The following TTLL5 variants were observed in gnomAD, a reference collection of about 807,000 sequenced individuals.
TTLL5 encodes tubulin tyrosine ligase like 5.
In TTLL5, 132 loss-of-function variants were observed where a neutral mutation model predicts 168.4. The observed-to-expected ratio is 0.78, with a 90% CI of 0.68 to 0.91. The LOEUF (loss-of-function observed/expected upper bound fraction) is 0.91. Ranked by LOEUF, TTLL5 falls within the 40% of genes least tolerant of loss-of-function variation. TTLL5 has a pLI of 0.00. For synonymous variants in TTLL5, 546 were observed against 558.6 expected, an observed-to-expected ratio of 0.98 and a Z score of 0.32; for missense variants, 1,545 against 1,581.5, an observed-to-expected ratio of 0.98 and a Z score of 0.39.
chr14:75,675,782 A>G lies in TTLL5; in HGVS notation c.182-5763A>G, dbSNP rs140058933. Among the ~76,000 whole-genome samples, 665 of 152,340 alleles carry G rather than the reference A, an allele frequency of 4.4e-3. 4 individuals are homozygous for G. The highest frequency in any genetic ancestry group is 0.011 in the East Asian group (56 of 5,186). ...TTGTTACGGGAGAGAAAGCCCAGGTACATATTAGTCAGGGTGTTCCAGAGA... is the reference window on the plus strand; with the variant it reads ...TTGTTACGGGAGAGAAAGCCCAGGTGCATATTAGTCAGGGTGTTCCAGAGA... On this transcript the variant is annotated intron_variant, in intron 3 of 31. Transcript: ENST00000298832.
At chr14:75,899,847 G>A (rs1412588460) in intron 30 of TTLL5, among the ~76,000 whole-genome samples, 1 of 151,976 alleles carries the variant, frequency 6.6e-6, no homozygotes, top group Non-Finnish European at 1.5e-5. Flanking sequence ...TTGAGTCTAA[G>A]CCCCCAGGGA....
intron 28 of TTLL5, among the ~76,000 whole-genome samples, chr14:75,858,942 G>A (rs562813030): frequency 2.7e-4 from 41 of 152,128 alleles, no homozygotes; most frequent in Non-Finnish European, 2.1e-4. Context: ...CCTGACCTCC[G>A]CCAATTAAAT....
intron 30 of TTLL5, among the ~76,000 whole-genome samples, chr14:75,896,948 A>G (rs1203464495): frequency 6.6e-6 from 1 of 152,200 alleles, no homozygotes; most frequent in East Asian, 1.9e-4. Context: ...TGGAATTCCT[A>G]GCCAGCCAGT....
At chr14:75,841,906 A>T (rs953975517) in intron 28 of TTLL5, among the ~76,000 whole-genome samples, 1 of 152,152 alleles carries the variant, frequency 6.6e-6, no homozygotes, top group Non-Finnish European at 1.5e-5. Flanking sequence ...ATGTTTTTCT[A>T]TCCTAATATG....
rs559698965 is a variant in TTLL5, at chr14:75,788,699, T to A, written c.2987-4217T>A. Among the ~76,000 whole-genome samples, 10 of 152,268 alleles carry A rather than the reference T, an allele frequency of 6.6e-5. No homozygotes were observed. The East Asian group carries it at 1.2e-3, about 18-fold the overall frequency. ...AAGGTAGATAATTTCAATATATTTT[T>A]AAAAAAACTCTTCTGGAGTGTGGAA... On this transcript the variant is annotated intron_variant, in intron 26 of 31. Transcript: ENST00000298832.
chr14:75,741,733 C>G (rs959424789), intron 15 of TTLL5, among the ~76,000 whole-genome samples: 1 of 152,068 alleles, frequency 6.6e-6, no homozygotes, highest in African/African-American at 2.4e-5. Flanking sequence ...CAACTAGAAG[C>G]ACAGACCTGA....
intron 24 of TTLL5, among the ~76,000 whole-genome samples, chr14:75,780,814 C>A (rs1448687741): frequency 6.6e-6 from 1 of 152,128 alleles, no homozygotes; most frequent in Non-Finnish European, 1.5e-5. Flanking sequence ...TGAATCCAGC[C>A]CTTTTCTTTG....
At chr14:75,672,915 G>A (rs1047749496) in intron 3 of TTLL5, among the ~76,000 whole-genome samples, 9 of 151,902 alleles carry the variant, frequency 5.9e-5, no homozygotes, top group Non-Finnish European at 1.3e-4. Context: ...TTAGCTAGAG[G>A]TTTGTCAATT....
At chr14:75,879,019 G>GT (rs2031658445) in intron 29 of TTLL5, among the ~76,000 whole-genome samples, 1 of 152,096 alleles carries the variant, frequency 6.6e-6, no homozygotes, top group Non-Finnish European at 1.5e-5. Context: ...TGGGATTGGT[G>GT]TTTTTATTTT....
intron 31 of TTLL5, among the ~76,000 whole-genome samples, chr14:75,925,932 C>G (rs1425321357): frequency 6.6e-6 from 1 of 151,860 alleles, no homozygotes; most frequent in Non-Finnish European, 1.5e-5. Flanking sequence ...CACCTGTAAT[C>G]GCAGGCACTT....
intron 15 of TTLL5, among the ~76,000 whole-genome samples, chr14:75,738,588 A>G (rs147897650): frequency 2.1e-4 from 32 of 152,316 alleles, no homozygotes; most frequent in African/African-American, 6.7e-4. Context: ...TCGAAACTCT[A>G]TAATATGTAG....
intron 3 of TTLL5, 154 bp downstream of exon 3, chr14:75,669,676 T>C: frequency 5.6e-6 from 3 of 540,468 alleles, no homozygotes; most frequent in Non-Finnish European, 9.0e-6. Context: ...ATTTCTTAAA[T>C]TGTTTTCTGC....
chr14:75,783,539 G>T lies in TTLL5; in HGVS notation c.2986+9G>T. 1.2e-6 allele frequency: 2 copies of T among 1,610,702 alleles called. No individual in the cohort carries two copies. Among genetic ancestry groups the T allele is most frequent in the Non-Finnish European group, 1.7e-6 (2 of 1,177,560 alleles). ...CTCTTCAGCAAAGGCAGGTGAGTGA[G>T]AGAACGAAAGACAGTCCACAATGTG... On this transcript the variant is annotated intron_variant, in intron 26 of 31. Transcript: ENST00000298832.
intron 29 of TTLL5, 49 bp downstream of exon 29, chr14:75,863,911 T>TACAAAAAAA (rs2030251079): frequency 1.2e-5 from 1 of 86,234 alleles, no homozygotes. Flanking sequence ...CTGCTGTTGG[T>TACAAAAAAA]AAAAAAAAAA....
chr14:75,822,098 C>T (rs940689572), intron 28 of TTLL5, among the ~76,000 whole-genome samples: 2 of 152,196 alleles, frequency 1.3e-5, no homozygotes, highest in East Asian at 3.9e-4. Context: ...TCTTTCCAGA[C>T]TTGGCTGTGA....
At chr14:75,839,611 C>G (rs1372039486) in intron 28 of TTLL5, among the ~76,000 whole-genome samples, 2 of 152,198 alleles carry the variant, frequency 1.3e-5, no homozygotes, top group Non-Finnish European at 2.9e-5. Context: ...ACCATCAGAT[C>G]TCGTGAGAAC....
At chr14:75,712,304 A>G (rs1057074126) in intron 9 of TTLL5, 2 of 151,648 alleles carry the variant, frequency 1.3e-5, no homozygotes, top group Non-Finnish European at 2.9e-5. Context: ...CAAAATGCCT[A>G]CACCTGTTGA....
chr14:75,834,131 A>G (rs1895741664), intron 28 of TTLL5, among the ~76,000 whole-genome samples: 1 of 152,216 alleles, frequency 6.6e-6, no homozygotes, highest in South Asian at 2.1e-4. Context: ...AGTAAAAGGC[A>G]TGTGGGGCCT....
At chr14:75,799,062 T>G (rs937070556) in intron 27 of TTLL5, among the ~76,000 whole-genome samples, 2 of 152,090 alleles carry the variant, frequency 1.3e-5, no homozygotes, top group Non-Finnish European at 2.9e-5. Context: ...GTCAGTGGAG[T>G]ATTGAAGTTT....
Sources: gnomAD v4.1 joint callset for allele counts (sites outside exome capture counted in the v4.1 genomes callset) on GRCh38, gnomAD v4.1.1 for gene constraint, MANE v1.5 for transcripts, NCBI Gene and HGNC (gene_info 2026-07-23, HGNC 2026-07-21) for gene names.